CD44: variants seen among roughly 807,000 people sequenced by gnomAD.
CD44 encodes the protein CD44 antigen.
Under a neutral mutation model 88.8 loss-of-function variants are expected in CD44, and 49 were observed. The observed-to-expected ratio is 0.55, with a 90% confidence interval of 0.44 to 0.70. The LOEUF (loss-of-function observed/expected upper bound fraction) is 0.70, where lower values mean the gene tolerates loss of function less well. Among genes scored for constraint, CD44 ranks in the 30% least tolerant of loss-of-function variants. The pLI is 0.00. For synonymous variants in CD44, 325 were observed against 312.3 expected (o/e 1.04, Z -0.43); for missense variants, 883 against 913.8 (o/e 0.97, Z 0.43).
At chr11:35,208,077 G>A in intron 11 of CD44, 28 bp from the exon 12 acceptor site, 1 of 1,369,378 alleles carries the variant, frequency 7.3e-7, no homozygotes, top group Non-Finnish European at 1.0e-6. Flanking sequence ...GGGAAATCAA[G>A]CAATAACACT....
intron 6 of CD44, chr11:35,197,635 T>TA (rs1331391771): frequency 7.0e-6 from 1 of 142,796 alleles, no homozygotes; most frequent in African/African-American, 2.7e-5. Context: ...CTAGAGAAGA[T>TA]AAAAAATGAA....
At chr11:35,179,304 C>T (rs892124697) in intron 2 of CD44, among the ~76,000 whole-genome samples, 2 of 152,200 alleles carry the variant, frequency 1.3e-5, no homozygotes, top group African/African-American at 4.8e-5. Flanking sequence ...TCCTCTCTGC[C>T]CTCCTGCTGC....
intron 1 of CD44, among the ~76,000 whole-genome samples, chr11:35,157,321 G>GTCTGTCTGTCTATCTA (rs773512644): frequency 5.4e-5 from 8 of 147,288 alleles, no homozygotes; most frequent in South Asian, 2.2e-4. Context: ...CTGTCTGTCT[G>GTCTGTCTGTCTATCTA]TCTATCTATC....
At chr11:35,209,433 A>G (rs1454279642) in intron 12 of CD44, among the ~76,000 whole-genome samples, 1 of 152,186 alleles carries the variant, frequency 6.6e-6, no homozygotes, top group African/African-American at 2.4e-5. Flanking sequence ...CAAGGTAGCT[A>G]AGTATTTCCT....
At chr11:35,184,550 C>T (rs1348955620) in intron 3 of CD44, among the ~76,000 whole-genome samples, 1 of 152,212 alleles carries the variant, frequency 6.6e-6, no homozygotes, top group African/African-American at 2.4e-5. Flanking sequence ...TCCCCTAAAT[C>T]TCCCAGGTTG....
At chr11:35,196,374 C>T (rs1464615090) in intron 5 of CD44, among the ~76,000 whole-genome samples, 1 of 152,186 alleles carries the variant, frequency 6.6e-6, no homozygotes, top group Non-Finnish European at 1.5e-5. Flanking sequence ...AAAGTTTAAT[C>T]CCTCTTTTAC....
intron 16 of CD44, 42 bp downstream of exon 16, chr11:35,219,429 G>A: frequency 6.9e-7 from 1 of 1,447,570 alleles, no homozygotes. Flanking sequence ...ACTGAAAGCA[G>A]CTTTCTCAGA....
Position 35,190,755 on chromosome 11 carries a change from T to C in CD44, c.667+690T>C, listed in dbSNP as rs558328110. ...CCTTTGTTTTTAGTCCAAGGAAGCA[T>C]ATCTGGAAGAGTTTTCTGGTGAAAT... On this transcript the variant is annotated intron_variant, in intron 5 of 17. Coordinates refer to ENST00000428726, the MANE Select transcript of CD44 (RefSeq NM_000610.4). 6.6e-5 allele frequency among the ~76,000 whole-genome samples: 10 copies of C among 152,368 alleles called. No individual in the cohort carries two copies. In the South Asian group the frequency reaches 2.1e-3, roughly 32 times the overall value.
chr11:35,151,794 A>G (rs1051485565), intron 1 of CD44, among the ~76,000 whole-genome samples: 4 of 152,370 alleles, frequency 2.6e-5, no homozygotes, highest in East Asian at 3.9e-4. Flanking sequence ...CTAGAACAGT[A>G]AAAAAGCAGT....
rs1426292318 is a variant in CD44, at chr11:35,186,909, C to G, written c.436+9C>G. On this transcript the variant is annotated intron_variant, in intron 4 of 17. Transcript: ENST00000428726. ...TGGACCAATTACCATAAGTATGTCT[C>G]TCTTCTAATCTTAATTAAATTTTCC... 4 of 1,521,526 alleles carry G rather than the reference C, an allele frequency of 2.6e-6. No homozygotes were observed. The South Asian group carries it at 3.4e-5, about 13-fold the overall frequency. The allele number at this position is 1,521,526 out of a possible 1,614,324, so 94.3% of individuals were successfully genotyped here.
chr11:35,165,990 A>G (rs1943220385), intron 1 of CD44, among the ~76,000 whole-genome samples: 1 of 152,212 alleles, frequency 6.6e-6, no homozygotes, highest in South Asian at 2.1e-4. Flanking sequence ...ATTAGCAGAA[A>G]CTGTATATTG....
At chr11:35,177,012 C>T (rs1054719643) in intron 2 of CD44, 9 of 371,016 alleles carry the variant, frequency 2.4e-5, no homozygotes, top group African/African-American at 1.9e-4. Context: ...CCTGCTTCCA[C>T]AGAGCTCTCC....
chr11:35,179,467 G>GTTGT (rs1202498605), intron 2 of CD44, among the ~76,000 whole-genome samples: 2 of 152,160 alleles, frequency 1.3e-5, no homozygotes. Context: ...GGCTGTGTAT[G>GTTGT]TTGTATCTGT....
intron 4 of CD44, 150 bp from the exon 5 acceptor site, chr11:35,189,685 T>C (rs1946075195): frequency 1.6e-6 from 1 of 643,614 alleles, no homozygotes; most frequent in South Asian, 1.9e-5. Context: ...GTGCACTTTC[T>C]TAGTGCATCT....
chr11:35,207,406 A>G (rs1655622206), intron 11 of CD44, among the ~76,000 whole-genome samples: 1 of 152,234 alleles, frequency 6.6e-6, no homozygotes, highest in South Asian at 2.1e-4. Context: ...GTTTCACTCA[A>G]GACTTCTTAT....
chr11:35,191,027 A>G (rs974550138), intron 5 of CD44, among the ~76,000 whole-genome samples: 2 of 152,178 alleles, frequency 1.3e-5, no homozygotes, highest in Non-Finnish European at 2.9e-5. Context: ...CAGATGGGCC[A>G]TGTTCCTCCT....
intron 14 of CD44, among the ~76,000 whole-genome samples, chr11:35,211,894 AT>A (rs1445255055): frequency 6.6e-6 from 1 of 152,178 alleles, no homozygotes; most frequent in Non-Finnish European, 1.5e-5. Context: ...TAATTTCTAT[AT>A]ACTAGTATCT....
intron 3 of CD44, among the ~76,000 whole-genome samples, chr11:35,181,872 T>TTATATATA (rs2133753184): frequency 1.2e-5 from 1 of 84,534 alleles, no homozygotes; most frequent in South Asian, 2.7e-4. Context: ...TATATATATA[T>TTATATATA]ATTATATATA....
intron 1 of CD44, among the ~76,000 whole-genome samples, chr11:35,143,027 G>A (rs1177579038): frequency 2.0e-5 from 3 of 152,108 alleles, no homozygotes; most frequent in Non-Finnish European, 4.4e-5. Flanking sequence ...CCTGCAGTGG[G>A]TGGGGAGGGT....
Sources: allele counts gnomAD v4.1 joint callset (sites outside exome capture counted in the v4.1 genomes callset), GRCh38; gene constraint gnomAD v4.1.1; transcripts MANE v1.5; gene names NCBI Gene and HGNC (gene_info 2026-07-23, HGNC 2026-07-21).